Variants in ZNF451 observed in about 807,000 individuals in gnomAD.
The protein encoded by ZNF451 is E3 SUMO-protein ligase ZNF451.
In ZNF451, 80 loss-of-function variants were observed where a neutral mutation model predicts 107.1. The ratio of observed to expected loss-of-function variants is 0.75; its 90% confidence interval spans 0.62 to 0.90. The LOEUF (loss-of-function observed/expected upper bound fraction) is 0.90, where lower values mean the gene tolerates loss of function less well. Among genes scored for constraint, ZNF451 ranks in the 40% least tolerant of loss-of-function variants. ZNF451 has a pLI of 0.00. For missense variants in ZNF451, 1,107 were observed against 1,236.2 expected (o/e 0.90, Z 1.57); for synonymous variants, 362 against 406.5 (o/e 0.89, Z 1.32).
At chr6:57,101,461 G>T in intron 3 of ZNF451, 2 of 1,550,852 alleles carry the variant, frequency 1.3e-6, no homozygotes, top group Non-Finnish European at 1.7e-6. Context: ...AGGCCCCATT[G>T]TAGAAGCATT....
At chr6:57,124,973 C>G (rs1830861865) in intron 4 of ZNF451, 114 bp downstream of exon 4, 14 of 551,362 alleles carry the variant, frequency 2.5e-5, no homozygotes, top group East Asian at 8.2e-5. Flanking sequence ...AGTATGTACC[C>G]TAGATAGCTC....
chr6:57,099,507 A>G (rs1350685983), intron 3 of ZNF451: 2 of 716,894 alleles, frequency 2.8e-6, no homozygotes, highest in Admixed American at 4.0e-5. Flanking sequence ...CCAGAACCAC[A>G]TGACCACAGA....
chr6:57,101,623 T>G (rs1829602922), intron 3 of ZNF451: 3 of 1,550,626 alleles, frequency 1.9e-6, no homozygotes, highest in Non-Finnish European at 2.6e-6. Context: ...GCGTAAACTC[T>G]GGGAAGACAT....
At chr6:57,162,575 AC>A (rs996279372) in intron 14 of ZNF451, among the ~76,000 whole-genome samples, 61 of 152,372 alleles carry the variant, frequency 4.0e-4, no homozygotes, top group African/African-American at 1.4e-3. Flanking sequence ...AAATGAAAGA[AC>A]TTTTGTGCGT....
intron 3 of ZNF451, chr6:57,107,953 C>G: frequency 1.9e-6 from 1 of 539,518 alleles, no homozygotes. Flanking sequence ...ATTCTCCTGC[C>G]TAAGCCTCCT....
At chr6:57,163,080 A>G (rs1302504104) in intron 14 of ZNF451, among the ~76,000 whole-genome samples, 1 of 152,188 alleles carries the variant, frequency 6.6e-6, no homozygotes, top group Non-Finnish European at 1.5e-5. Flanking sequence ...GTTAAGGAAT[A>G]TGGGCTCCTT....
chr6:57,110,988 C>T (rs547304428), intron 3 of ZNF451, among the ~76,000 whole-genome samples: 8 of 150,612 alleles, frequency 5.3e-5, no homozygotes, highest in South Asian at 2.1e-4. Context: ...GGGGTCATAT[C>T]GGCTAACTGC....
chr6:57,152,442 A>C (rs1166830793), intron 12 of ZNF451, 91 bp downstream of exon 12: 1 of 1,440,128 alleles, frequency 6.9e-7, no homozygotes, highest in Non-Finnish European at 9.6e-7. Context: ...CTTATAGATC[A>C]TTCTTCAGTA....
At chr6:57,098,102 T>C (rs1829413904) in intron 2 of ZNF451, among the ~76,000 whole-genome samples, 1 of 150,980 alleles carries the variant, frequency 6.6e-6, no homozygotes, top group Admixed American at 6.6e-5. Flanking sequence ...CCTGAGTAGC[T>C]GGGACTACAG....
At chr6:57,106,824 A>T in intron 3 of ZNF451, 1 of 984,524 alleles carries the variant, frequency 1.0e-6, no homozygotes, top group Non-Finnish European at 1.2e-6. Flanking sequence ...ACCAGTCTTT[A>T]TTTTTTACTT....
chr6:57,162,034 T>C (rs1763694453), intron 14 of ZNF451, among the ~76,000 whole-genome samples: 1 of 152,236 alleles, frequency 6.6e-6, no homozygotes, highest in Non-Finnish European at 1.5e-5. Flanking sequence ...CTGCACTTTT[T>C]AATAACCTGG....
intron 2 of ZNF451, chr6:57,092,924 A>G (rs1488959702): frequency 3.3e-5 from 5 of 152,198 alleles, no homozygotes; most frequent in African/African-American, 1.2e-4. Context: ...TTTTATTGAA[A>G]TATACATAAA....
At chr6:57,109,180 T>C (rs1224842541) in intron 3 of ZNF451, 1 of 985,308 alleles carries the variant, frequency 1.0e-6, no homozygotes, top group African/African-American at 1.7e-5. Flanking sequence ...AAGATTATTC[T>C]TGATTCGTAG....
At chr6:57,158,581 A>C (rs1396908249) in intron 13 of ZNF451, 4 of 985,330 alleles carry the variant, frequency 4.1e-6, no homozygotes, top group Non-Finnish European at 4.8e-6. Flanking sequence ...GAGTACTGCA[A>C]CATGTGGTTT....
At chr6:57,105,795 A>G (rs1829824779) in intron 3 of ZNF451, 1 of 985,320 alleles carries the variant, frequency 1.0e-6, no homozygotes, top group South Asian at 4.7e-5. Context: ...TAGAATAAGC[A>G]AGGACATTTT....
chr6:57,128,863 A>C (rs1345258097), intron 5 of ZNF451, 23 bp downstream of exon 5: 1 of 1,553,136 alleles, frequency 6.4e-7, no homozygotes, highest in Admixed American at 1.8e-5. Context: ...AATTACACTA[A>C]GGTTACCTAG....
intron 13 of ZNF451, chr6:57,159,103 A>G: frequency 2.0e-6 from 2 of 985,380 alleles, no homozygotes; most frequent in Non-Finnish European, 2.4e-6. Flanking sequence ...GGGCACCATT[A>G]TAAAAATATG....
intron 3 of ZNF451, chr6:57,106,417 C>T: frequency 1.6e-6 from 1 of 638,768 alleles, no homozygotes; most frequent in Non-Finnish European, 1.9e-6. Context: ...TCAAGCAATT[C>T]TGTCTCAGCC....
chr6:57,096,830 C>T (rs1005890760), intron 2 of ZNF451, among the ~76,000 whole-genome samples: 4 of 123,324 alleles, frequency 3.2e-5, no homozygotes, highest in African/African-American at 6.4e-5. Flanking sequence ...GGCTGGAGTG[C>T]AGTGGCACCA....
Sources: allele counts gnomAD v4.1 joint callset (sites outside exome capture counted in the v4.1 genomes callset), GRCh38; gene constraint gnomAD v4.1.1; transcripts MANE v1.5; gene names NCBI Gene and HGNC (gene_info 2026-07-23, HGNC 2026-07-21).